NSRP1: variants seen among roughly 807,000 people sequenced by gnomAD.
The protein encoded by NSRP1 is coiled-coil domain containing 55.
A neutral mutation model predicts 54.7 loss-of-function variants in NSRP1; 24 were observed. The observed-to-expected ratio is 0.44, with a 90% confidence interval of 0.32 to 0.62. The LOEUF is 0.62. NSRP1 is among the 20% of genes least tolerant of loss of function. The pLI is 0.06. For missense variants in NSRP1, 596 were observed against 651.2 expected (o/e 0.92, Z 0.92); for synonymous variants, 210 against 213.8 (o/e 0.98, Z 0.15).
At chr17:30,155,919 A>C (rs1050759316) in intron 2 of NSRP1, among the ~76,000 whole-genome samples, 1 of 151,136 alleles carries the variant, frequency 6.6e-6, no homozygotes, top group Non-Finnish European at 1.5e-5. Flanking sequence ...GGCTCACTGC[A>C]CCCTCCACCT....
chr17:30,175,685 A>G (rs1377452644), intron 3 of NSRP1, among the ~76,000 whole-genome samples: 1 of 152,140 alleles, frequency 6.6e-6, no homozygotes, highest in Non-Finnish European at 1.5e-5. Flanking sequence ...GATTACAGGC[A>G]TGAGTTGCCA....
At chr17:30,131,340 G>C (rs1260036232) in intron 2 of NSRP1, among the ~76,000 whole-genome samples, 1 of 151,034 alleles carries the variant, frequency 6.6e-6, no homozygotes, top group East Asian at 1.9e-4. Flanking sequence ...TGAAGAGTTT[G>C]ACAGGGAAGA....
At chr17:30,124,675 A>G (rs2071634987) in intron 2 of NSRP1, among the ~76,000 whole-genome samples, 1 of 152,224 alleles carries the variant, frequency 6.6e-6, no homozygotes, top group South Asian at 2.1e-4. Flanking sequence ...CCTGGTGGGA[A>G]CTGGGCTTGT....
intron 1 of NSRP1, chr17:30,117,358 A>G: frequency 3.8e-6 from 2 of 527,558 alleles, no homozygotes; most frequent in Non-Finnish European, 6.7e-6. Context: ...ATTGGGGTAT[A>G]CGTTGCCGCA....
chr17:30,147,536 T>G (rs1374038088), intron 2 of NSRP1, among the ~76,000 whole-genome samples: 1 of 151,860 alleles, frequency 6.6e-6, no homozygotes, highest in Non-Finnish European at 1.5e-5. Flanking sequence ...CAATCTCGGC[T>G]CACTGCAAGC....
In NSRP1 at chr17:30,180,907, G is replaced by A; in HGVS notation, c.509-1G>A. Reference sequence around the variant, plus strand: ...TCTAATTTTTGCTTTCCCTCTGTTAGCATGTTTGGATGTAACCAAGCAGAA... The same window carrying A: ...TCTAATTTTTGCTTTCCCTCTGTTAACATGTTTGGATGTAACCAAGCAGAA... On this transcript the variant is annotated splice_acceptor_variant, in intron 5 of 6. Coordinates refer to ENST00000247026, the MANE Select transcript of NSRP1 (RefSeq NM_032141.4). LOFTEE classifies it high-confidence loss of function. The A allele has an allele frequency of 2.5e-6, 4 of 1,601,434 alleles. No homozygotes were observed. Among genetic ancestry groups the A allele is most frequent in the Non-Finnish European group, 3.4e-6 (4 of 1,169,444 alleles).
At chr17:30,161,604 G>A (rs1185778356) in intron 2 of NSRP1, among the ~76,000 whole-genome samples, 4 of 152,188 alleles carry the variant, frequency 2.6e-5, no homozygotes, top group African/African-American at 7.2e-5. Flanking sequence ...ATGAGATACA[G>A]TATTGTAAGA....
At chr17:30,156,828 C>CT (rs1904327467) in intron 2 of NSRP1, among the ~76,000 whole-genome samples, 1 of 152,096 alleles carries the variant, frequency 6.6e-6, no homozygotes, top group Admixed American at 6.6e-5. Context: ...TGATTCCATT[C>CT]TTTTTTATGG....
At chr17:30,163,808 G>A (rs1047221618) in intron 2 of NSRP1, among the ~76,000 whole-genome samples, 3 of 148,306 alleles carry the variant, frequency 2.0e-5, no homozygotes, top group Admixed American at 6.9e-5. Flanking sequence ...CAGCCTCCCC[G>A]AGTAGCTGGG....
intron 2 of NSRP1, among the ~76,000 whole-genome samples, chr17:30,171,976 C>CTCTCTCTCTCTCTCT (rs1567804388): frequency 1.2e-5 from 1 of 80,350 alleles, no homozygotes; most frequent in Non-Finnish European, 2.5e-5. Context: ...ACACACACTC[C>CTCTCTCTCTCTCTCT]CTCTCTCTCT....
At chr17:30,130,909 C>T (rs2071693696) in intron 2 of NSRP1, among the ~76,000 whole-genome samples, 2 of 152,106 alleles carry the variant, frequency 1.3e-5, no homozygotes, top group African/African-American at 2.4e-5. Flanking sequence ...TTAATGCATT[C>T]AACAGATATT....
chr17:30,176,104 G>GTTGTT (rs60387947), intron 3 of NSRP1, among the ~76,000 whole-genome samples: 32 of 150,308 alleles, frequency 2.1e-4, no homozygotes, highest in Non-Finnish European at 3.0e-4. Context: ...TGTTGTTGTT[G>GTTGTT]TTGTTTTGTT....
At chr17:30,134,306 A>C (rs995294499) in intron 2 of NSRP1, among the ~76,000 whole-genome samples, 5 of 152,244 alleles carry the variant, frequency 3.3e-5, no homozygotes, top group African/African-American at 1.2e-4. Flanking sequence ...AACATGTAAT[A>C]ATGAAAAAGT....
At chr17:30,181,212 A>G (rs1258667141) in intron 6 of NSRP1, among the ~76,000 whole-genome samples, 196 bp downstream of exon 6, 1 of 152,178 alleles carries the variant, frequency 6.6e-6, no homozygotes, top group Non-Finnish European at 1.5e-5. Context: ...GTTTAAGATC[A>G]TTTTTATTCT....
chr17:30,178,014 T>A (rs917653909), intron 3 of NSRP1, 57 bp from the exon 4 acceptor site: 46 of 1,552,950 alleles, frequency 3.0e-5, no homozygotes, highest in Middle Eastern at 1.7e-4. Context: ...AAGCATAGAC[T>A]TTGTTGTATC....
intron 1 of NSRP1, chr17:30,117,580 T>C: frequency 2.6e-6 from 1 of 380,882 alleles, no homozygotes; most frequent in Non-Finnish European, 4.7e-6. Context: ...GCTACTTGGG[T>C]TTCTCAGTTA....
At chr17:30,151,841 G>A (rs1240432241) in intron 2 of NSRP1, among the ~76,000 whole-genome samples, 1 of 141,956 alleles carries the variant, frequency 7.0e-6, no homozygotes, top group Non-Finnish European at 1.5e-5. Flanking sequence ...GGAGTGCAGT[G>A]GCGCAATCTC....
In NSRP1 at chr17:30,140,752, A is replaced by T. The variant is rs143680402; in HGVS notation, c.114+22579A>T. 8.2e-3 allele frequency among the ~76,000 whole-genome samples: 1,239 copies of T among 150,974 alleles called. 17 individuals carry two copies. The highest frequency in any genetic ancestry group is 0.029 in the African/African-American group (1,185 of 41,142). ...ACCATGTTGGTCAGGCTGGTCTCGAACTCCTGACCTCGTGATCCGCACTCC... is the reference window on the plus strand; with the variant it reads ...ACCATGTTGGTCAGGCTGGTCTCGATCTCCTGACCTCGTGATCCGCACTCC... On this transcript the variant is annotated intron_variant, in intron 2 of 6. Transcript: ENST00000247026.
chr17:30,178,521 CCT>C (rs1246405401), intron 4 of NSRP1, among the ~76,000 whole-genome samples: 3 of 151,854 alleles, frequency 2.0e-5, no homozygotes, highest in Non-Finnish European at 4.4e-5. Context: ...GTTTTATTAC[CCT>C]CTCATTTTTT....
Sources: allele counts gnomAD v4.1 joint callset (sites outside exome capture counted in the v4.1 genomes callset), GRCh38; gene constraint gnomAD v4.1.1; transcripts MANE v1.5; gene names NCBI Gene and HGNC (gene_info 2026-07-23, HGNC 2026-07-21).